The following UGT1A8 variants were observed in gnomAD, a reference collection of about 807,000 sequenced individuals.
UGT1A8 encodes UDP glucuronosyltransferase family 1 member A8, also known as UDP-glucuronosyltransferase 1A8.
Under a neutral mutation model 45.3 loss-of-function variants are expected in UGT1A8, and 39 were observed. The observed-to-expected ratio is 0.86, with a 90% confidence interval of 0.67 to 1.12. The LOEUF (loss-of-function observed/expected upper bound fraction) is 1.12. Among genes scored for constraint, UGT1A8 ranks in the 50% most tolerant of loss-of-function variants. The probability of loss-of-function intolerance (pLI) is 0.00; values close to 1 mark genes in which losing one functional copy is unlikely to be tolerated. For synonymous variants in UGT1A8, 275 were observed against 249.2 expected (o/e 1.10, Z -0.97); for missense variants, 719 against 664.9 (o/e 1.08, Z -0.90).
intron 1 of UGT1A8, among the ~76,000 whole-genome samples, chr2:233,650,664 ATC>A (rs1258586995): frequency 6.6e-6 from 1 of 152,150 alleles, no homozygotes; most frequent in Admixed American, 6.5e-5. Context: ...TTCCACTCAT[ATC>A]TCAGCATAAA....
intron 1 of UGT1A8, among the ~76,000 whole-genome samples, chr2:233,696,905 T>C (rs2075364659): frequency 6.6e-6 from 1 of 152,208 alleles, no homozygotes; most frequent in Non-Finnish European, 1.5e-5. Context: ...ATTCTGTCAA[T>C]GTATTCATAT....
intron 1 of UGT1A8, among the ~76,000 whole-genome samples, chr2:233,727,119 T>C (rs1478640841): frequency 6.6e-6 from 1 of 152,204 alleles, no homozygotes; most frequent in Non-Finnish European, 1.5e-5. Flanking sequence ...GTCTGTGAGA[T>C]TGGCAGAGGG....
At chr2:233,692,672 T>G (rs1295423428) in intron 1 of UGT1A8, among the ~76,000 whole-genome samples, 1 of 152,104 alleles carries the variant, frequency 6.6e-6, no homozygotes, top group African/African-American at 2.4e-5. Context: ...GGATAGAGAA[T>G]TGGCAGGGGG....
chr2:233,748,133 A>G (rs1199962839), intron 1 of UGT1A8: 2 of 1,609,694 alleles, frequency 1.2e-6, no homozygotes, highest in Non-Finnish European at 1.7e-6. Context: ...AGTTTTTAAA[A>G]ATTGTATTTA....
intron 1 of UGT1A8, among the ~76,000 whole-genome samples, chr2:233,677,084 T>C (rs2074380799): frequency 6.6e-6 from 1 of 152,174 alleles, no homozygotes; most frequent in African/African-American, 2.4e-5. Context: ...TGTGCAAAAA[T>C]CCTGCTAGGA....
intron 1 of UGT1A8, among the ~76,000 whole-genome samples, chr2:233,664,117 G>A (rs916274624): frequency 9.9e-5 from 15 of 152,250 alleles, no homozygotes; most frequent in African/African-American, 2.6e-4. Context: ...TTAAGGCATA[G>A]CAAGGGTGAC....
intron 1 of UGT1A8, among the ~76,000 whole-genome samples, chr2:233,673,889 A>G (rs1436542945): frequency 6.6e-6 from 1 of 152,198 alleles, no homozygotes; most frequent in Non-Finnish European, 1.5e-5. Flanking sequence ...TGATATTTAT[A>G]CCACTTATTT....
At chr2:233,641,721 G>A (rs1334123748) in intron 1 of UGT1A8, among the ~76,000 whole-genome samples, 1 of 152,058 alleles carries the variant, frequency 6.6e-6, no homozygotes, top group East Asian at 1.9e-4. Context: ...CTCAACTTTT[G>A]TCTTGGAAAG....
At chr2:233,637,682 CTA>C (rs1441348613) in intron 1 of UGT1A8, among the ~76,000 whole-genome samples, 4 of 152,076 alleles carry the variant, frequency 2.6e-5, no homozygotes, top group Non-Finnish European at 5.9e-5. Context: ...TTTGTTAATT[CTA>C]TGTGACCCCG....
intron 1 of UGT1A8, among the ~76,000 whole-genome samples, chr2:233,669,837 C>A (rs1040456921): frequency 3.9e-5 from 6 of 152,088 alleles, no homozygotes; most frequent in Admixed American, 3.9e-4. Flanking sequence ...GCATGCACCA[C>A]CACCTGCAGC....
In UGT1A8 at chr2:233,617,779, G is replaced by A. The variant is rs757125630; in HGVS notation, c.72G>A (p.Glu24=). The A allele has an allele frequency of 4.3e-6, 7 of 1,614,096 alleles. No individual in the cohort carries two copies. The highest frequency in any genetic ancestry group is 1.1e-5 in the South Asian group (1 of 91,066). ...VSLLLTCGFA[E]AGKLLVVPMD... ...TGCTGCTGACCTGTGGCTTTGCTGA[G>A]GCAGGGAAGCTGCTGGTAGTGCCCA... is the stretch of plus-strand genomic sequence containing the variant. Residue 24 remains glutamate, a synonymous_variant, in exon 1 of 5, where the codon GAG becomes GAA. Transcript: ENST00000373450.
chr2:233,729,985 C>G, intron 1 of UGT1A8: 1 of 1,614,044 alleles, frequency 6.2e-7, no homozygotes. Flanking sequence ...CAGGAAGCCA[C>G]TATCTCAGGT....
intron 1 of UGT1A8, among the ~76,000 whole-genome samples, chr2:233,732,114 C>A (rs1362758962): frequency 6.7e-6 from 1 of 148,542 alleles, no homozygotes; most frequent in Non-Finnish European, 1.5e-5. Flanking sequence ...TATCCTTTGC[C>A]CACTTTTTGA....
chr2:233,769,890 A>C lies in UGT1A8; in HGVS notation c.1295+1451A>C. On this transcript the variant is annotated intron_variant, in intron 4 of 4. Transcript: ENST00000373450. This position sits in a 1 kb window ranked among gnomAD's most constrained non-coding sequence, Gnocchi z 4.4. Reference sequence around the variant, plus strand: ...AAAAAAAAAATGAAAAGTCCACATAACCTGAGCATCATGTGCCCAGAGCGT... The same window carrying C: ...AAAAAAAAAATGAAAAGTCCACATACCCTGAGCATCATGTGCCCAGAGCGT... 1 of 371,658 alleles carries C rather than the reference A, an allele frequency of 2.7e-6. No homozygotes were observed. 23.0% of individuals were successfully genotyped at this position (371,658 alleles called of 1,614,324 possible).
At chr2:233,653,949 T>C (rs1171168219) in intron 1 of UGT1A8, among the ~76,000 whole-genome samples, 3 of 152,224 alleles carry the variant, frequency 2.0e-5, no homozygotes, top group African/African-American at 7.2e-5. Flanking sequence ...ATCTCTTCAT[T>C]ATTGAGGACA....
chr2:233,690,185 A>G (rs1575442936), intron 1 of UGT1A8, among the ~76,000 whole-genome samples: 2 of 152,246 alleles, frequency 1.3e-5, no homozygotes, highest in Non-Finnish European at 2.9e-5. Context: ...TAGCCATTTC[A>G]TAAAATATTC....
intron 1 of UGT1A8, among the ~76,000 whole-genome samples, chr2:233,736,093 C>T (rs2125798451): frequency 1.3e-5 from 2 of 152,304 alleles, no homozygotes; most frequent in South Asian, 4.2e-4. Flanking sequence ...TGGATAATAT[C>T]CTGAAGAGTG....
intron 1 of UGT1A8, among the ~76,000 whole-genome samples, chr2:233,704,256 CTT>C (rs59925871): frequency 4.9e-4 from 60 of 123,596 alleles, no homozygotes; most frequent in Non-Finnish European, 7.4e-4. Flanking sequence ...GCCTTTATTG[CTT>C]TTTTTTTTTT....
At position 233,772,516 on chromosome 2, in the gene UGT1A8, A is replaced by G. The variant is rs1559420819; in HGVS notation, c.1550A>G (p.Lys517Arg). 3 of 1,614,208 alleles carry G rather than the reference A, an allele frequency of 1.9e-6. No homozygotes were observed. Among genetic ancestry groups the G allele is most frequent in the East Asian group, 2.2e-5 (1 of 44,880 alleles). ...TATGGCTACCGGAAATGCTTGGGGAAAAAAGGGCGAGTTAAGAAAGCCCAC... is the reference window on the plus strand; with the variant it reads ...TATGGCTACCGGAAATGCTTGGGGAGAAAAGGGCGAGTTAAGAAAGCCCAC... ...CAYGYRKCLGKKGRVKKAHKS... is the reference protein window; with the variant it reads ...CAYGYRKCLGRKGRVKKAHKS... The change falls in exon 5 of 5, where the codon AAA becomes AGA. Residue 517 changes from lysine (K) to arginine (R), a missense_variant. Transcript: ENST00000373450.
Sources: allele counts gnomAD v4.1 joint callset (sites outside exome capture counted in the v4.1 genomes callset), GRCh38; gene constraint gnomAD v4.1.1; non-coding constraint Gnocchi (gnomAD v3.1); transcripts MANE v1.5; gene names NCBI Gene and HGNC (gene_info 2026-07-23, HGNC 2026-07-21).